Variants in GRM7 observed in about 807,000 individuals in gnomAD.
GRM7 encodes glutamate metabotropic receptor 7, also known as metabotropic glutamate receptor 7.
GRM7 carries 35 observed loss-of-function variants against 84.5 expected under a neutral mutation model. That is an observed-to-expected ratio of 0.41 (90% CI 0.32 to 0.55). The LOEUF (loss-of-function observed/expected upper bound fraction) is 0.55, where lower values mean the gene tolerates loss of function less well. Among genes scored for constraint, GRM7 ranks in the 20% least tolerant of loss-of-function variants. The pLI is 0.19. For missense variants in GRM7, 1,003 were observed against 1,194.6 expected (o/e 0.84, Z 2.36); for synonymous variants, 487 against 455.1 (o/e 1.07, Z -0.89).
chr3:7,227,953 C>T (rs1697036856), intron 2 of GRM7, among the ~76,000 whole-genome samples: 1 of 152,188 alleles, frequency 6.6e-6, no homozygotes. Flanking sequence ...CTTCCATTGT[C>T]ATATGTCTAC....
chr3:7,026,545 A>G lies in GRM7; in HGVS notation c.520-119907A>G, dbSNP rs181930312. ...AGAGGATTAAATTTGCCTTTAATAAAGCACTATGGAATACTTACTATCATG... is the reference window on the plus strand; with the variant it reads ...AGAGGATTAAATTTGCCTTTAATAAGGCACTATGGAATACTTACTATCATG... On this transcript the variant is annotated intron_variant, in intron 1 of 9. Coordinates refer to ENST00000357716, the MANE Select transcript of GRM7 (RefSeq NM_000844.4). Among the ~76,000 whole-genome samples, 140 of 152,344 alleles carry G rather than the reference A, an allele frequency of 9.2e-4. 1 individual carries two copies. Among genetic ancestry groups the G allele is most frequent in the Non-Finnish European group, 3.4e-4 (23 of 68,030 alleles).
chr3:7,044,695 A>T (rs1004372638), intron 1 of GRM7, among the ~76,000 whole-genome samples: 2 of 152,100 alleles, frequency 1.3e-5, no homozygotes, highest in South Asian at 2.1e-4. Flanking sequence ...CTCCTATGGA[A>T]ATGTGGTGTA....
chr3:6,874,129 A>ATTT (rs1695221700), intron 1 of GRM7, among the ~76,000 whole-genome samples: 2 of 152,236 alleles, frequency 1.3e-5, no homozygotes, highest in African/African-American at 4.8e-5. Flanking sequence ...ATTAGGATGT[A>ATTT]CTGCATACTG....
chr3:6,954,681 T>G (rs1247396822), intron 1 of GRM7, among the ~76,000 whole-genome samples: 1 of 152,244 alleles, frequency 6.6e-6, no homozygotes, highest in East Asian at 1.9e-4. Context: ...ACTTACTATC[T>G]GTGTGAGCTC....
At chr3:7,181,678 G>C (rs1695341525) in intron 2 of GRM7, among the ~76,000 whole-genome samples, 1 of 151,964 alleles carries the variant, frequency 6.6e-6, no homozygotes, top group Non-Finnish European at 1.5e-5. Context: ...GTGTGATCTT[G>C]GCTCACTGCA....
intron 7 of GRM7, among the ~76,000 whole-genome samples, chr3:7,478,433 G>A (rs916337962): frequency 1.3e-5 from 2 of 152,252 alleles, no homozygotes; most frequent in Admixed American, 6.5e-5. Flanking sequence ...GCTGAGAGAC[G>A]ACTGGAACAT....
chr3:6,911,247 T>C (rs781470748), intron 1 of GRM7, among the ~76,000 whole-genome samples: 1 of 152,162 alleles, frequency 6.6e-6, no homozygotes, highest in African/African-American at 2.4e-5. Context: ...TATTAAATTC[T>C]CCCTCAGCCT....
At chr3:7,297,853 CA>C (rs769393168) in intron 2 of GRM7, among the ~76,000 whole-genome samples, 6 of 152,128 alleles carry the variant, frequency 3.9e-5, no homozygotes, top group Non-Finnish European at 7.3e-5. Flanking sequence ...AAGTGTGTTT[CA>C]TAAAATGCTA....
intron 7 of GRM7, among the ~76,000 whole-genome samples, chr3:7,523,981 A>C (rs1012064011): frequency 6.6e-6 from 1 of 152,106 alleles, no homozygotes; most frequent in Non-Finnish European, 1.5e-5. Context: ...AAAAGCATCA[A>C]AAAGCCCCTC....
chr3:7,377,749 A>G (rs375509367), intron 4 of GRM7, among the ~76,000 whole-genome samples: 2 of 152,308 alleles, frequency 1.3e-5, no homozygotes, highest in African/African-American at 4.8e-5. Flanking sequence ...GCAACTTGGA[A>G]AGAACATAAA....
intron 2 of GRM7, among the ~76,000 whole-genome samples, chr3:7,260,664 T>G (rs1032052931): frequency 6.9e-6 from 1 of 145,778 alleles, no homozygotes; most frequent in Non-Finnish European, 1.5e-5. Context: ...GATTTGTTGT[T>G]CTTTTGAATT....
chr3:7,436,586 C>T (rs369618987), intron 5 of GRM7, among the ~76,000 whole-genome samples: 11 of 152,112 alleles, frequency 7.2e-5, no homozygotes, highest in African/African-American at 1.4e-4. Context: ...TCAAAAGATA[C>T]GGGATGTGGC....
At chr3:6,923,174 C>T (rs1300348341) in intron 1 of GRM7, among the ~76,000 whole-genome samples, 1 of 151,986 alleles carries the variant, frequency 6.6e-6, no homozygotes, top group Non-Finnish European at 1.5e-5. Context: ...GTCATCATGC[C>T]TGGCTAATTT....
intron 8 of GRM7, among the ~76,000 whole-genome samples, chr3:7,654,541 T>C (rs1353764709): frequency 3.3e-5 from 5 of 152,364 alleles, no homozygotes; most frequent in African/African-American, 9.6e-5. Context: ...AGAACACTTC[T>C]ATTTTATTAC....
At chr3:7,164,415 G>C (rs1419497820) in intron 2 of GRM7, among the ~76,000 whole-genome samples, 1 of 152,148 alleles carries the variant, frequency 6.6e-6, no homozygotes, top group African/African-American at 2.4e-5. Flanking sequence ...CCTATGTCTA[G>C]CTCTGGACAC....
intron 2 of GRM7, among the ~76,000 whole-genome samples, chr3:7,158,105 G>A (rs1161376558): frequency 6.6e-6 from 1 of 152,124 alleles, no homozygotes; most frequent in Non-Finnish European, 1.5e-5. Flanking sequence ...GCAAACTGTA[G>A]GAAGAGGACT....
At chr3:7,508,884 A>C (rs1340943994) in intron 7 of GRM7, among the ~76,000 whole-genome samples, 1 of 152,196 alleles carries the variant, frequency 6.6e-6, no homozygotes, top group Non-Finnish European at 1.5e-5. Flanking sequence ...GTCCATCTGC[A>C]TTGGCAAGCG....
intron 1 of GRM7, among the ~76,000 whole-genome samples, chr3:7,101,340 A>G (rs542132906): frequency 1.3e-5 from 2 of 151,736 alleles, no homozygotes; most frequent in East Asian, 1.9e-4. Flanking sequence ...GTGTATTTGT[A>G]TCACATTTTG....
At chr3:7,311,457 A>G (rs1238901175) in intron 4 of GRM7, among the ~76,000 whole-genome samples, 1 of 151,266 alleles carries the variant, frequency 6.6e-6, no homozygotes, top group East Asian at 1.9e-4. Flanking sequence ...TAGACTCTCA[A>G]TGGACTAATG....
Sources: gnomAD v4.1 joint callset for allele counts (sites outside exome capture counted in the v4.1 genomes callset) on GRCh38, gnomAD v4.1.1 for gene constraint, MANE v1.5 for transcripts, NCBI Gene and HGNC (gene_info 2026-07-23, HGNC 2026-07-21) for gene names.